NCKAP5: variants seen among roughly 807,000 people sequenced by gnomAD.
NCKAP5 encodes the protein nck-associated protein 5.
A neutral mutation model predicts 167.0 loss-of-function variants in NCKAP5; 92 were observed. The ratio of observed to expected loss-of-function variants is 0.55; its 90% CI spans 0.47 to 0.66. The LOEUF (loss-of-function observed/expected upper bound fraction) is 0.66, where lower values mean the gene tolerates loss of function less well. Among genes scored for constraint, NCKAP5 ranks in the 30% least tolerant of loss-of-function variants. The pLI is 0.00. For missense variants in NCKAP5, 2,378 were observed against 2,315.0 expected (o/e 1.03, Z -0.56); for synonymous variants, 891 against 877.4 (o/e 1.02, Z -0.27).
At chr2:133,558,367 G>C (rs6723321) in intron 2 of NCKAP5, 25,480 of 152,050 alleles carry the variant, frequency 0.17, 2,328 homozygotes, top group Non-Finnish European at 0.2. Context: ...AAGAGCAAAA[G>C]GGAGGAGAAA....
intron 6 of NCKAP5, among the ~76,000 whole-genome samples, chr2:133,003,231 A>G (rs1186850009): frequency 1.3e-5 from 2 of 152,216 alleles, no homozygotes; most frequent in South Asian, 4.1e-4. Flanking sequence ...AATGAAGAAC[A>G]TATTTTGCAT....
chr2:133,270,364 T>C (rs2089453834), intron 4 of NCKAP5, among the ~76,000 whole-genome samples: 3 of 152,192 alleles, frequency 2.0e-5, no homozygotes, highest in Admixed American at 1.3e-4. Flanking sequence ...AGGGAGAATA[T>C]GGAACTTTCC....
intron 10 of NCKAP5, among the ~76,000 whole-genome samples, chr2:132,862,442 C>T (rs904708463): frequency 2.6e-5 from 4 of 152,164 alleles, no homozygotes; most frequent in Non-Finnish European, 4.4e-5. Flanking sequence ...TTCAGAATGA[C>T]GTGCAAGAGT....
intron 7 of NCKAP5, among the ~76,000 whole-genome samples, chr2:132,991,395 G>A (rs2149300952): frequency 6.6e-6 from 1 of 152,170 alleles, no homozygotes; most frequent in East Asian, 1.9e-4. Context: ...GGCAAAGCTG[G>A]TAAATTGTAA....
intron 3 of NCKAP5, among the ~76,000 whole-genome samples, chr2:133,369,396 T>A (rs1451317765): frequency 6.6e-6 from 1 of 152,200 alleles, no homozygotes; most frequent in African/African-American, 2.4e-5. Context: ...AAAACAGTGA[T>A]GACCTGACAG....
chr2:133,453,737 A>C (rs187195732), intron 3 of NCKAP5, among the ~76,000 whole-genome samples: 1 of 152,228 alleles, frequency 6.6e-6, no homozygotes, highest in Admixed American at 6.5e-5. Context: ...GAAGAAACAA[A>C]AGAAGGAAGG....
intron 4 of NCKAP5, among the ~76,000 whole-genome samples, chr2:133,252,016 T>A (rs1473412504): frequency 1.3e-5 from 2 of 152,224 alleles, no homozygotes; most frequent in Admixed American, 6.5e-5. Context: ...TTTATTTTAA[T>A]TTCTTTAGGA....
At chr2:133,106,241 C>T (rs1225752074) in intron 6 of NCKAP5, among the ~76,000 whole-genome samples, 3 of 138,124 alleles carry the variant, frequency 2.2e-5, no homozygotes, top group Admixed American at 7.7e-5. Context: ...TGCAGTGAGC[C>T]GAGATGCCAC....
At chr2:132,939,837 T>C (rs1296650160) in intron 8 of NCKAP5, among the ~76,000 whole-genome samples, 1 of 152,036 alleles carries the variant, frequency 6.6e-6, no homozygotes, top group Non-Finnish European at 1.5e-5. Flanking sequence ...CTGTCTCTAC[T>C]AAAAATACAA....
intron 6 of NCKAP5, among the ~76,000 whole-genome samples, chr2:133,128,299 A>G (rs2082468929): frequency 6.6e-6 from 1 of 152,220 alleles, no homozygotes; most frequent in African/African-American, 2.4e-5. Flanking sequence ...AGGAGAGAAA[A>G]GTGAAACAAA....
chr2:133,535,202 A>T (rs555527150), intron 2 of NCKAP5, among the ~76,000 whole-genome samples: 1 of 152,266 alleles, frequency 6.6e-6, no homozygotes, highest in East Asian at 1.9e-4. Flanking sequence ...ATATTGCATA[A>T]TGATGAGATT....
chr2:133,351,144 T>C (rs1027774310), intron 3 of NCKAP5, among the ~76,000 whole-genome samples: 1 of 152,118 alleles, frequency 6.6e-6, no homozygotes. Context: ...AATTACTTTA[T>C]AGTTATCGAC....
chr2:133,658,020 A>C, the NCKAP5 span, among the ~76,000 whole-genome samples: 1 of 152,332 alleles, frequency 6.6e-6, no homozygotes, highest in Non-Finnish European at 1.5e-5. Context: ...GAGTATTCAT[A>C]GGAAGGTATG....
intron 3 of NCKAP5, among the ~76,000 whole-genome samples, chr2:133,310,999 A>G (rs1681194769): frequency 6.6e-6 from 1 of 152,206 alleles, no homozygotes; most frequent in Non-Finnish European, 1.5e-5. Flanking sequence ...ATTTTTCCCT[A>G]TACGTCAACC....
chr2:133,390,057 A>C (rs1687286371), intron 3 of NCKAP5, among the ~76,000 whole-genome samples: 1 of 152,228 alleles, frequency 6.6e-6, no homozygotes, highest in South Asian at 2.1e-4. Context: ...CCCACAACTA[A>C]GGATGGCAGG....
chr2:133,281,529 G>T (rs2089935027), intron 4 of NCKAP5, among the ~76,000 whole-genome samples: 1 of 152,160 alleles, frequency 6.6e-6, no homozygotes, highest in Non-Finnish European at 1.5e-5. Flanking sequence ...GAGGTATTCT[G>T]GAGAGATATT....
At chr2:132,938,583 G>A (rs1007951625) in intron 8 of NCKAP5, among the ~76,000 whole-genome samples, 1 of 152,254 alleles carries the variant, frequency 6.6e-6, no homozygotes, top group African/African-American at 2.4e-5. Flanking sequence ...TAAAGTCTTG[G>A]TGCTCCACCA....
At chr2:132,896,720 T>A (rs1693239319) in intron 8 of NCKAP5, among the ~76,000 whole-genome samples, 1 of 152,242 alleles carries the variant, frequency 6.6e-6, no homozygotes, top group Non-Finnish European at 1.5e-5. Flanking sequence ...CCAGTGATGC[T>A]ACCAAGGAGG....
At chr2:133,309,736 G>A (rs1216112067) in intron 3 of NCKAP5, among the ~76,000 whole-genome samples, 1 of 152,194 alleles carries the variant, frequency 6.6e-6, no homozygotes, top group Non-Finnish European at 1.5e-5. Context: ...CCCATTTAAT[G>A]TGAATCTCCT....
Sources: gnomAD v4.1 joint callset for allele counts (sites outside exome capture counted in the v4.1 genomes callset) on GRCh38, gnomAD v4.1.1 for gene constraint, MANE v1.5 for transcripts, NCBI Gene and HGNC (gene_info 2026-07-23, HGNC 2026-07-21) for gene names.